The following FSIP1 variants were observed in gnomAD, a reference collection of about 807,000 sequenced individuals.
The protein encoded by FSIP1 is fibrous sheath interacting protein 1, also known as fibrous sheath-interacting protein 1.
FSIP1 carries 65 observed loss-of-function variants against 60.9 expected under a neutral mutation model. The observed-to-expected ratio is 1.07, with a 90% CI of 0.87 to 1.31. The LOEUF is 1.31. Among genes scored for constraint, FSIP1 ranks in the 40% most tolerant of loss-of-function variants. The pLI is 0.00. For synonymous variants in FSIP1, 209 were observed against 221.2 expected (o/e 0.94, Z 0.49); for missense variants, 675 against 665.5 (o/e 1.01, Z -0.16).
At chr15:39,607,889 G>A (rs1426142255) in intron 11 of FSIP1, among the ~76,000 whole-genome samples, 1 of 152,190 alleles carries the variant, frequency 6.6e-6, no homozygotes, top group Non-Finnish European at 1.5e-5. Flanking sequence ...TCCTGAGAAG[G>A]AGGTAGAACA....
At chr15:39,631,872 T>C (rs1891904312) in intron 10 of FSIP1, among the ~76,000 whole-genome samples, 1 of 152,202 alleles carries the variant, frequency 6.6e-6, no homozygotes, top group South Asian at 2.1e-4. Flanking sequence ...TTACTTTATT[T>C]AAATAAATAT....
chr15:39,666,541 A>G (rs1480317581), intron 10 of FSIP1, among the ~76,000 whole-genome samples: 1 of 152,230 alleles, frequency 6.6e-6, no homozygotes, highest in East Asian at 1.9e-4. Flanking sequence ...AAAGCTTCAT[A>G]AAGTAAATAG....
Position 39,726,712 on chromosome 15 carries a change from T to A in FSIP1, c.927A>T (p.Gly309=), listed in dbSNP as rs1470033946. 1.2e-6 allele frequency: 2 copies of A among 1,613,982 alleles called. No homozygotes were observed. The highest frequency in any genetic ancestry group is 1.7e-6 in the Non-Finnish European group (2 of 1,180,002). Residue 309 remains glycine (G), a synonymous_variant, in exon 9 of 12, where the codon GGA becomes GGT. Transcript: ENST00000350221. The part of the protein sequence containing the change: ...DQSGWVVPVK[G]YELAVTQHQQ... ...GATGCTGGGTGACTGCAAGTTCATA[T>A]CCTTTTACTGGGACCACCCAGCCAG...
At chr15:39,599,529 T>TC (rs1595518522), downstream of FSIP1, 1 of 109,258 alleles carries the variant, frequency 9.2e-6, no homozygotes, top group African/African-American at 3.6e-5. Flanking sequence ...TCCCCTCCCC[T>TC]CCCTCCTCCT....
At chr15:39,628,206 T>C (rs956292473) in intron 10 of FSIP1, among the ~76,000 whole-genome samples, 6 of 152,198 alleles carry the variant, frequency 3.9e-5, no homozygotes, top group East Asian at 1.9e-4. Context: ...AGAAAATCCT[T>C]TGGAGGCCTA....
chr15:39,667,856 G>A (rs923024882), intron 10 of FSIP1, among the ~76,000 whole-genome samples: 3 of 152,228 alleles, frequency 2.0e-5, no homozygotes, highest in African/African-American at 7.2e-5. Context: ...GAATTAGTGA[G>A]TTTGAAAAGG....
chr15:39,603,754 C>T (rs1234472467), intron 11 of FSIP1, among the ~76,000 whole-genome samples: 1 of 152,108 alleles, frequency 6.6e-6, no homozygotes, highest in Non-Finnish European at 1.5e-5. Flanking sequence ...AGACATTCAG[C>T]AGATGGGAAA....
intron 10 of FSIP1, 26 bp from the exon 11 acceptor site, chr15:39,618,271 A>G: frequency 6.4e-7 from 1 of 1,565,208 alleles, no homozygotes; most frequent in Non-Finnish European, 8.7e-7. Flanking sequence ...AAAAGATTAC[A>G]TAGTCAGTTG....
intron 10 of FSIP1, among the ~76,000 whole-genome samples, chr15:39,658,752 G>A (rs1022198074): frequency 1.2e-4 from 18 of 152,160 alleles, no homozygotes; most frequent in African/African-American, 3.4e-4. Context: ...AAAAGTCAAT[G>A]GATTCTTCAA....
At chr15:39,780,691 A>C (rs1898233227) in intron 1 of FSIP1, among the ~76,000 whole-genome samples, 1 of 152,240 alleles carries the variant, frequency 6.6e-6, no homozygotes, top group Non-Finnish European at 1.5e-5. Context: ...AAACTTGCTC[A>C]AAATGTATCA....
At chr15:39,647,072 TA>T (rs2140429248) in intron 10 of FSIP1, among the ~76,000 whole-genome samples, 1 of 152,276 alleles carries the variant, frequency 6.6e-6, no homozygotes, top group South Asian at 2.1e-4. Context: ...CCAGGGGTGA[TA>T]GAAGTAGTTG....
At chr15:39,779,041 A>G (rs886697441) in intron 1 of FSIP1, among the ~76,000 whole-genome samples, 1 of 152,170 alleles carries the variant, frequency 6.6e-6, no homozygotes, top group African/African-American at 2.4e-5. Flanking sequence ...CTCAAACATG[A>G]AAAAGAACTC....
intron 4 of FSIP1, 93 bp from the exon 5 acceptor site, chr15:39,764,007 C>T (rs553155069): frequency 1.6e-5 from 11 of 689,936 alleles, no homozygotes; most frequent in Middle Eastern, 2.5e-4. Flanking sequence ...CAATCACATA[C>T]GTACAAACGA....
chr15:39,622,235 A>G (rs762032041), intron 10 of FSIP1, among the ~76,000 whole-genome samples: 3 of 152,206 alleles, frequency 2.0e-5, no homozygotes, highest in African/African-American at 7.2e-5. Context: ...TCCATAAACA[A>G]GTTATTATTC....
intron 10 of FSIP1, among the ~76,000 whole-genome samples, chr15:39,703,987 T>C (rs1226865029): frequency 6.6e-6 from 1 of 152,234 alleles, no homozygotes; most frequent in African/African-American, 2.4e-5. Context: ...GGTTTCTGCA[T>C]TAAATGATGT....
intron 5 of FSIP1, among the ~76,000 whole-genome samples, chr15:39,748,272 A>G (rs1447885845): frequency 6.6e-6 from 1 of 152,212 alleles, no homozygotes; most frequent in African/African-American, 2.4e-5. Context: ...AAAGACCTTA[A>G]CAGAACTCTC....
chr15:39,718,893 T>G (rs1487380154), intron 9 of FSIP1, among the ~76,000 whole-genome samples: 1 of 152,202 alleles, frequency 6.6e-6, no homozygotes, highest in African/African-American at 2.4e-5. Flanking sequence ...GGATTCTAGC[T>G]TCCAATCCAA....
At chr15:39,752,756 C>T (rs150017050) in intron 5 of FSIP1, among the ~76,000 whole-genome samples, 2 of 152,028 alleles carry the variant, frequency 1.3e-5, no homozygotes, top group African/African-American at 4.8e-5. Flanking sequence ...AAAAAACGGA[C>T]ATTAAGTAAA....
chr15:39,767,582 T>C (rs1897735090), intron 3 of FSIP1, among the ~76,000 whole-genome samples: 1 of 152,346 alleles, frequency 6.6e-6, no homozygotes, highest in African/African-American at 2.4e-5. Flanking sequence ...TGGCCTGCCA[T>C]GCCCCCATCC....
Sources: gnomAD v4.1 joint callset for allele counts (sites outside exome capture counted in the v4.1 genomes callset) on GRCh38, gnomAD v4.1.1 for gene constraint, MANE v1.5 for transcripts, NCBI Gene and HGNC (gene_info 2026-07-23, HGNC 2026-07-21) for gene names.